The following SCFD2 variants were observed in gnomAD, a reference collection of about 807,000 sequenced individuals.
The protein encoded by SCFD2 is sec1 family domain containing 2.
Under a neutral mutation model 58.9 loss-of-function variants are expected in SCFD2, and 54 were observed. The ratio of observed to expected loss-of-function variants is 0.92; its 90% CI spans 0.74 to 1.15. SCFD2 has a LOEUF of 1.15. SCFD2 is among the 50% of genes most tolerant of loss of function. The pLI is 0.00. For missense variants in SCFD2, 805 were observed against 836.6 expected (o/e 0.96, Z 0.47); for synonymous variants, 321 against 335.9 (o/e 0.96, Z 0.49).
chr4:53,026,696 T>C (rs1722481840), intron 5 of SCFD2, among the ~76,000 whole-genome samples: 1 of 152,158 alleles, frequency 6.6e-6, no homozygotes, highest in Admixed American at 6.6e-5. Flanking sequence ...TCCTTTTGGG[T>C]GTCTGAAATA....
intron 5 of SCFD2, among the ~76,000 whole-genome samples, chr4:53,010,172 GTTA>G (rs2148806530): frequency 6.6e-6 from 1 of 152,252 alleles, no homozygotes; most frequent in Admixed American, 6.5e-5. Context: ...TTCTTCCCGA[GTTA>G]TTATCTTGCT....
intron 2 of SCFD2, among the ~76,000 whole-genome samples, chr4:53,320,502 A>C (rs1732992755): frequency 1.3e-5 from 2 of 152,226 alleles, no homozygotes; most frequent in South Asian, 4.1e-4. Context: ...CGGCAATCCC[A>C]GCTACTCAGG....
At chr4:53,089,818 A>G (rs1724419801) in intron 5 of SCFD2, among the ~76,000 whole-genome samples, 2 of 152,146 alleles carry the variant, frequency 1.3e-5, no homozygotes, top group African/African-American at 4.8e-5. Flanking sequence ...CTACATCTGG[A>G]CTAAATGCTA....
At chr4:53,247,739 T>C (rs1306393982) in intron 4 of SCFD2, among the ~76,000 whole-genome samples, 2 of 148,610 alleles carry the variant, frequency 1.3e-5, no homozygotes, top group Non-Finnish European at 3.0e-5. Context: ...CGGGCGCCTG[T>C]AGTCCCAGCT....
intron 1 of SCFD2, among the ~76,000 whole-genome samples, chr4:53,359,568 AT>A (rs1166025019): frequency 1.3e-5 from 2 of 152,228 alleles, no homozygotes; most frequent in African/African-American, 4.8e-5. Context: ...TTTACAAAAA[AT>A]AAAACGTAAA....
At chr4:53,237,496 C>G (rs1217413162) in intron 4 of SCFD2, among the ~76,000 whole-genome samples, 6 of 65,838 alleles carry the variant, frequency 9.1e-5, no homozygotes, top group African/African-American at 1.5e-4. Context: ...CCCTCCCGGA[C>G]GGGCGGCTGG....
At chr4:53,258,711 A>T (rs957642774) in intron 4 of SCFD2, among the ~76,000 whole-genome samples, 4 of 151,794 alleles carry the variant, frequency 2.6e-5, no homozygotes, top group Non-Finnish European at 4.4e-5. Flanking sequence ...TGTTTTTCCT[A>T]TAATGACTTC....
At chr4:53,031,899 G>C (rs1722624480) in intron 5 of SCFD2, among the ~76,000 whole-genome samples, 1 of 152,150 alleles carries the variant, frequency 6.6e-6, no homozygotes, top group Non-Finnish European at 1.5e-5. Context: ...CCCCAACCTA[G>C]CAAGACAGGC....
At chr4:53,246,763 A>G (rs538232145) in intron 4 of SCFD2, among the ~76,000 whole-genome samples, 3 of 152,330 alleles carry the variant, frequency 2.0e-5, no homozygotes, top group Admixed American at 2.0e-4. Context: ...TAACCTAGGT[A>G]ACATCATTCT....
intron 4 of SCFD2, among the ~76,000 whole-genome samples, chr4:53,230,388 A>T (rs1255320898): frequency 1.3e-5 from 2 of 152,166 alleles, no homozygotes; most frequent in Non-Finnish European, 2.9e-5. Context: ...TCCAACAATG[A>T]TAGACTGGAT....
intron 3 of SCFD2, among the ~76,000 whole-genome samples, chr4:53,282,125 GTA>G (rs1731526166): frequency 6.6e-6 from 1 of 152,012 alleles, no homozygotes; most frequent in Non-Finnish European, 1.5e-5. Context: ...AACTTTTATT[GTA>G]GGTTCAGGGG....
At chr4:53,107,871 T>A (rs900567818) in intron 5 of SCFD2, among the ~76,000 whole-genome samples, 17 of 152,202 alleles carry the variant, frequency 1.1e-4, no homozygotes, top group African/African-American at 3.9e-4. Context: ...CTGGATCAAG[T>A]GGACCTAACT....
At chr4:53,354,237 G>T (rs1734332597) in intron 1 of SCFD2, among the ~76,000 whole-genome samples, 1 of 152,262 alleles carries the variant, frequency 6.6e-6, no homozygotes, top group African/African-American at 2.4e-5. Context: ...CCCGCGGGGA[G>T]GTGGCTGAGG....
intron 2 of SCFD2, among the ~76,000 whole-genome samples, chr4:53,328,925 T>G (rs1733315123): frequency 1.3e-5 from 2 of 152,202 alleles, no homozygotes; most frequent in African/African-American, 4.8e-5. Context: ...AGGCATTGCC[T>G]CACTTGGGAA....
At chr4:53,149,443 G>C (rs147498120) in intron 4 of SCFD2, among the ~76,000 whole-genome samples, 1 of 152,126 alleles carries the variant, frequency 6.6e-6, no homozygotes, top group Non-Finnish European at 1.5e-5. Context: ...ATAAATATAT[G>C]TCAGTCCATA....
chr4:53,253,560 T>A (rs1187857532), intron 4 of SCFD2, among the ~76,000 whole-genome samples: 1 of 151,914 alleles, frequency 6.6e-6, no homozygotes, highest in Non-Finnish European at 1.5e-5. Flanking sequence ...TATGTAGCCA[T>A]AAAAAATGAT....
chr4:52,998,448 A>G (rs1577649795), intron 5 of SCFD2, among the ~76,000 whole-genome samples: 1 of 152,254 alleles, frequency 6.6e-6, no homozygotes, highest in South Asian at 2.1e-4. Flanking sequence ...CAGCCGTCAG[A>G]GTATGTCAAT....
intron 4 of SCFD2, among the ~76,000 whole-genome samples, chr4:53,243,515 C>G (rs1239464761): frequency 6.6e-6 from 1 of 152,138 alleles, no homozygotes; most frequent in Non-Finnish European, 1.5e-5. Flanking sequence ...TTACCAGCCA[C>G]TACAAAAACA....
At chr4:53,249,002 A>C (rs1337469879) in intron 4 of SCFD2, among the ~76,000 whole-genome samples, 3 of 152,236 alleles carry the variant, frequency 2.0e-5, no homozygotes, top group African/African-American at 7.2e-5. Flanking sequence ...CGATCAAACT[A>C]CTCCGAGCTA....
Sources: allele counts gnomAD v4.1 joint callset (sites outside exome capture counted in the v4.1 genomes callset), GRCh38; gene constraint gnomAD v4.1.1; transcripts MANE v1.5; gene names NCBI Gene and HGNC (gene_info 2026-07-23, HGNC 2026-07-21).